The following C2orf42 variants were observed in gnomAD, a reference collection of about 807,000 sequenced individuals.
C2orf42 encodes the protein uncharacterized protein C2orf42.
C2orf42 carries 44 observed loss-of-function variants against 58.9 expected under a neutral mutation model. That is an observed-to-expected ratio of 0.75 (90% confidence interval 0.59 to 0.96). C2orf42 has a LOEUF of 0.96. C2orf42 is among the 40% of genes least tolerant of loss of function. C2orf42 has a pLI of 0.00. For synonymous variants in C2orf42, 239 were observed against 265.4 expected (o/e 0.90, Z 0.97); for missense variants, 630 against 699.2 (o/e 0.90, Z 1.12).
chr2:70,169,862 G>A (rs1012030487), intron 5 of C2orf42, among the ~76,000 whole-genome samples: 5 of 152,044 alleles, frequency 3.3e-5, no homozygotes, highest in Admixed American at 1.3e-4. Context: ...GCGTTCAAGC[G>A]ATTCTCCTGC....
intron 9 of C2orf42, among the ~76,000 whole-genome samples, chr2:70,158,592 GGC>G (rs1449784972): frequency 6.6e-6 from 1 of 151,990 alleles, no homozygotes; most frequent in African/African-American, 2.4e-5. Flanking sequence ...TGTGACTACA[GGC>G]ACACACCACC....
At chr2:70,159,260 G>T (rs1258885183) in intron 9 of C2orf42, among the ~76,000 whole-genome samples, 1 of 151,942 alleles carries the variant, frequency 6.6e-6, no homozygotes, top group African/African-American at 2.4e-5. Flanking sequence ...TTTTAAAAGA[G>T]AAATTATTGT....
intron 4 of C2orf42, among the ~76,000 whole-genome samples, chr2:70,178,046 A>C (rs1342578678): frequency 6.6e-6 from 1 of 152,130 alleles, no homozygotes. Flanking sequence ...TCTCTTAAAA[A>C]ACAAACAAAC....
chr2:70,187,425 G>A (rs1312290497), intron 1 of C2orf42, among the ~76,000 whole-genome samples: 1 of 151,738 alleles, frequency 6.6e-6, no homozygotes, highest in Non-Finnish European at 1.5e-5. Context: ...TAACTTTTTT[G>A]TATTTTTAGT....
At chr2:70,162,385 C>T (rs762101664) in intron 8 of C2orf42, among the ~76,000 whole-genome samples, 15 of 151,488 alleles carry the variant, frequency 9.9e-5, no homozygotes, top group South Asian at 2.1e-4. Flanking sequence ...CACTGGCTCA[C>T]GCCTGTAATC....
At chr2:70,168,720 CT>C (rs11380285) in intron 6 of C2orf42, among the ~76,000 whole-genome samples, 1,742 of 142,490 alleles carry the variant, frequency 0.012, 16 homozygotes, top group African/African-American at 0.035. Flanking sequence ...GTTTATGTCC[CT>C]TTTTTTTTTT....
chr2:70,171,534 C>T (rs988132256), intron 5 of C2orf42, among the ~76,000 whole-genome samples: 18 of 151,330 alleles, frequency 1.2e-4, no homozygotes, highest in African/African-American at 3.9e-4. Flanking sequence ...TTTTTGAGAC[C>T]GAGTCTTGCT....
At chr2:70,189,847 G>T (rs575840734) in intron 1 of C2orf42, among the ~76,000 whole-genome samples, 1 of 151,002 alleles carries the variant, frequency 6.6e-6, no homozygotes, top group Non-Finnish European at 1.5e-5. Context: ...GCAACATAGT[G>T]AGACCCTGTC....
At chr2:70,165,306 C>T in intron 7 of C2orf42, 114 bp from the exon 8 acceptor site, 1 of 673,552 alleles carries the variant, frequency 1.5e-6, no homozygotes, top group Non-Finnish European at 2.6e-6. Flanking sequence ...ATTCTCAGCA[C>T]TTTTAAAAAG....
chr2:70,189,960 G>C (rs1012260243), intron 1 of C2orf42, among the ~76,000 whole-genome samples: 3 of 151,624 alleles, frequency 2.0e-5, no homozygotes, highest in African/African-American at 7.3e-5. Flanking sequence ...AAAAAGACGA[G>C]AGATACACAT....
At chr2:70,189,790 G>A (rs1675214832) in intron 1 of C2orf42, among the ~76,000 whole-genome samples, 1 of 151,970 alleles carries the variant, frequency 6.6e-6, no homozygotes, top group African/African-American at 2.4e-5. Flanking sequence ...ACTTTGGGAG[G>A]CTGAGGCGGG....
chr2:70,164,261 C>T (rs1673251401), intron 8 of C2orf42, among the ~76,000 whole-genome samples: 1 of 151,634 alleles, frequency 6.6e-6, no homozygotes, highest in South Asian at 2.1e-4. Context: ...GTGACTGCAC[C>T]ACTGTACTCC....
chr2:70,187,171 A>G, intron 1 of C2orf42, among the ~76,000 whole-genome samples: 1 of 152,122 alleles, frequency 6.6e-6, no homozygotes, highest in East Asian at 1.9e-4. Flanking sequence ...GTGGTTTGCC[A>G]GCTGTTGGTG....
chr2:70,175,399 T>C (rs1674121121), intron 5 of C2orf42, among the ~76,000 whole-genome samples: 1 of 152,230 alleles, frequency 6.6e-6, no homozygotes, highest in Admixed American at 6.5e-5. Context: ...TATGTGTCCA[T>C]GTGTTCTCAT....
chr2:70,156,908 C>CAA (rs1672712891), intron 9 of C2orf42, among the ~76,000 whole-genome samples: 1 of 149,838 alleles, frequency 6.7e-6, no homozygotes, highest in Non-Finnish European at 1.5e-5. Context: ...GAATAAAAAA[C>CAA]AAAAGAAAGC....
rs773484984 is a variant in C2orf42, at chr2:70,181,827, G to A, written c.159C>T (p.Tyr53=). The change falls in exon 3 of 10, where the codon TAC becomes TAT. Residue 53 remains tyrosine (Y), a synonymous_variant. Coordinates refer to ENST00000264434, the MANE Select transcript of C2orf42 (RefSeq NM_017880.3). ...KNKTCGTIFR[Y]GARKQPSVEA... The stretch of plus-strand genomic sequence containing the variant: ...CAACACTAGGCTGCTTGCGTGCACC[G>A]TAGCGGAATATGGTTCCACATGTCT... 5.5e-5 allele frequency: 88 copies of A among 1,613,990 alleles called. No individual in the cohort carries two copies. The highest frequency in any genetic ancestry group is 6.9e-5 in the Non-Finnish European group (81 of 1,179,992).
At position 70,153,289 on chromosome 2, in the gene C2orf42, C is replaced by G. The variant is rs906983896; in HGVS notation, c.1517-2725G>C. Among the ~76,000 whole-genome samples, 11 of 151,756 alleles carry G rather than the reference C, an allele frequency of 7.2e-5. No individual in the cohort carries two copies. In the South Asian group the frequency reaches 2.3e-3, roughly 32 times the overall value. ...CTGCATCAGCGCTCCACATACAGATCTGAGAGGGAGCCAGCCATCATGCAG... is the reference window on the plus strand; with the variant it reads ...CTGCATCAGCGCTCCACATACAGATGTGAGAGGGAGCCAGCCATCATGCAG... On this transcript the variant is annotated intron_variant, in intron 9 of 9. Coordinates refer to ENST00000264434, the MANE Select transcript of C2orf42 (RefSeq NM_017880.3).
intron 5 of C2orf42, 62 bp from the exon 6 acceptor site, chr2:70,169,723 C>T: frequency 1.3e-6 from 1 of 785,364 alleles, no homozygotes; most frequent in Non-Finnish European, 2.2e-6. Flanking sequence ...AAATAAACAG[C>T]TAATTGAAGT....
chr2:70,171,591 A>G (rs13403192), intron 5 of C2orf42, among the ~76,000 whole-genome samples: 1 of 151,708 alleles, frequency 6.6e-6, no homozygotes, highest in Non-Finnish European at 1.5e-5. Context: ...GCTCACTGCA[A>G]CCCCTGCCTC....
Sources: allele counts gnomAD v4.1 joint callset (sites outside exome capture counted in the v4.1 genomes callset), GRCh38; gene constraint gnomAD v4.1.1; transcripts MANE v1.5; gene names NCBI Gene and HGNC (gene_info 2026-07-23, HGNC 2026-07-21).